The following TAFA2 variants were observed in gnomAD, a reference collection of about 807,000 sequenced individuals.
TAFA2 encodes the protein chemokine-like protein TAFA-2.
TAFA2 carries 7 observed loss-of-function variants against 18.8 expected under a neutral mutation model. The ratio of observed to expected loss-of-function variants is 0.37; its 90% CI spans 0.21 to 0.70. The LOEUF is 0.70. TAFA2 is among the 30% of genes least tolerant of loss of function. The probability of loss-of-function intolerance (pLI) is 0.53; values close to 1 mark genes in which losing one functional copy is unlikely to be tolerated. For missense variants in TAFA2, 122 were observed against 158.1 expected (o/e 0.77, Z 1.23); for synonymous variants, 60 against 54.2 (o/e 1.11, Z -0.47).
intron 2 of TAFA2, among the ~76,000 whole-genome samples, chr12:61,853,049 G>GCTTA (rs1565656826): frequency 6.6e-6 from 1 of 152,142 alleles, no homozygotes; most frequent in Non-Finnish European, 1.5e-5. Flanking sequence ...TCTCAAGTGT[G>GCTTA]CTTACCATAC....
At chr12:62,215,599 C>A in intron 1 of TAFA2, among the ~76,000 whole-genome samples, 1 of 137,164 alleles carries the variant, frequency 7.3e-6, no homozygotes, top group African/African-American at 2.7e-5. Context: ...GAACTTGTTT[C>A]TCTTGCTTAA....
intron 1 of TAFA2, among the ~76,000 whole-genome samples, chr12:62,012,064 A>C (rs1464269056): frequency 6.6e-6 from 1 of 152,208 alleles, no homozygotes; most frequent in Non-Finnish European, 1.5e-5. Context: ...TTCATAGTAC[A>C]TGCTGAACAT....
intron 1 of TAFA2, among the ~76,000 whole-genome samples, chr12:61,878,849 T>A (rs1874981888): frequency 6.6e-6 from 1 of 152,172 alleles, no homozygotes; most frequent in Non-Finnish European, 1.5e-5. Context: ...TTTTGCATAG[T>A]GCCATATGGT....
At chr12:61,938,554 C>A (rs1289152370) in intron 1 of TAFA2, among the ~76,000 whole-genome samples, 1 of 152,094 alleles carries the variant, frequency 6.6e-6, no homozygotes, top group Non-Finnish European at 1.5e-5. Flanking sequence ...AATCCCACTC[C>A]TGGGTATCTA....
At position 62,046,332 on chromosome 12, in the gene TAFA2, GA is replaced by G. The variant is rs940571273; in HGVS notation, c.-2+144926del. 1.4e-4 allele frequency among the ~76,000 whole-genome samples: 21 copies of G among 150,808 alleles called. No homozygotes were observed. The South Asian group carries it at 1.9e-3, about 14-fold the overall frequency. On this transcript the variant is annotated intron_variant, in intron 1 of 4. Coordinates refer to ENST00000416284, the MANE Select transcript of TAFA2 (RefSeq NM_178539.5). Reference sequence around the variant, plus strand: ...CACTGATCAGAAACAAAGATTAAAGGAAAAAAAGATACCATAAAAGCTAAAA... The same window carrying G: ...CACTGATCAGAAACAAAGATTAAAGGAAAAAAGATACCATAAAAGCTAAAA...
At chr12:62,038,330 T>C (rs969983979) in intron 1 of TAFA2, among the ~76,000 whole-genome samples, 1 of 152,242 alleles carries the variant, frequency 6.6e-6, no homozygotes, top group Non-Finnish European at 1.5e-5. Context: ...TAAAATACCA[T>C]GTAAACCTTA....
chr12:61,987,540 ATAT>A (rs1469065097), intron 1 of TAFA2, among the ~76,000 whole-genome samples: 1 of 152,226 alleles, frequency 6.6e-6, no homozygotes, highest in Non-Finnish European at 1.5e-5. Context: ...TACCATGGAA[ATAT>A]TATTCCCTGC....
intron 1 of TAFA2, among the ~76,000 whole-genome samples, chr12:62,063,596 G>T (rs1411690727): frequency 5.9e-5 from 9 of 152,090 alleles, no homozygotes; most frequent in Admixed American, 5.9e-4. Flanking sequence ...TCATCTTAAT[G>T]ATTAACCAAA....
At chr12:62,082,904 T>C (rs1334509216) in intron 1 of TAFA2, among the ~76,000 whole-genome samples, 1 of 152,226 alleles carries the variant, frequency 6.6e-6, no homozygotes, top group Non-Finnish European at 1.5e-5. Context: ...TAATCTGCAT[T>C]GCTCTACAGT....
chr12:62,160,243 A>C (rs954163060), intron 1 of TAFA2, among the ~76,000 whole-genome samples: 14 of 152,204 alleles, frequency 9.2e-5, no homozygotes, highest in African/African-American at 3.4e-4. Context: ...CCATGATCCC[A>C]AAAAATGATT....
intron 1 of TAFA2, among the ~76,000 whole-genome samples, chr12:62,099,136 T>C (rs114941222): frequency 0.017 from 2,547 of 152,202 alleles, 58 homozygotes; most frequent in African/African-American, 0.057. Context: ...GTGGTAATGA[T>C]GATATAAGGA....
chr12:61,734,025 C>G (rs1256856194), intron 4 of TAFA2, among the ~76,000 whole-genome samples: 1 of 147,872 alleles, frequency 6.8e-6, no homozygotes, highest in African/African-American at 2.5e-5. Context: ...ATTTTATTCT[C>G]TTTGAAGCAA....
intron 1 of TAFA2, chr12:62,234,662 G>A: frequency 1.1e-6 from 1 of 908,502 alleles, no homozygotes; most frequent in African/African-American, 1.6e-5. Context: ...AGGAGCGTTT[G>A]GTATAAGCTT....
chr12:62,067,110 T>C (rs1882510063), intron 1 of TAFA2, among the ~76,000 whole-genome samples: 1 of 152,142 alleles, frequency 6.6e-6, no homozygotes, highest in South Asian at 2.1e-4. Flanking sequence ...TTTGTATGTC[T>C]TCCTTTGAAA....
chr12:62,178,471 G>A (rs1272243873), intron 1 of TAFA2, among the ~76,000 whole-genome samples: 1 of 152,188 alleles, frequency 6.6e-6, no homozygotes, highest in Non-Finnish European at 1.5e-5. Flanking sequence ...CAAGAACTCT[G>A]AAGGGTCTGA....
intron 1 of TAFA2, among the ~76,000 whole-genome samples, chr12:61,978,187 A>C (rs543814347): frequency 6.6e-6 from 1 of 152,184 alleles, no homozygotes; most frequent in African/African-American, 2.4e-5. Context: ...GATTAAAAAG[A>C]GATAATGTAT....
chr12:62,033,690 A>G (rs1453701763), intron 1 of TAFA2, among the ~76,000 whole-genome samples: 1 of 152,186 alleles, frequency 6.6e-6, no homozygotes, highest in East Asian at 1.9e-4. Context: ...CATGTTATAT[A>G]TATATATACA....
intron 2 of TAFA2, among the ~76,000 whole-genome samples, chr12:61,849,879 G>T (rs1352169278): frequency 6.6e-6 from 1 of 152,128 alleles, no homozygotes; most frequent in Admixed American, 6.5e-5. Context: ...CACATAGATT[G>T]TTGATCTAGT....
At chr12:62,254,610 T>C (rs2062929411) in intron 1 of TAFA2, among the ~76,000 whole-genome samples, 1 of 152,168 alleles carries the variant, frequency 6.6e-6, no homozygotes, top group Non-Finnish European at 1.5e-5. Context: ...GATAGAAGCA[T>C]ACTGGCTAGA....
Sources: allele counts gnomAD v4.1 joint callset (sites outside exome capture counted in the v4.1 genomes callset), GRCh38; gene constraint gnomAD v4.1.1; transcripts MANE v1.5; gene names NCBI Gene and HGNC (gene_info 2026-07-23, HGNC 2026-07-21).